VWA3A: variants seen among roughly 807,000 people sequenced by gnomAD.
VWA3A encodes the protein von Willebrand factor A domain containing 3A.
VWA3A carries 134 observed loss-of-function variants against 160.4 expected under a neutral mutation model. The observed-to-expected ratio is 0.84, with a 90% CI of 0.73 to 0.96. VWA3A has a LOEUF of 0.96. Among genes scored for constraint, VWA3A ranks in the 40% least tolerant of loss-of-function variants. The probability of loss-of-function intolerance (pLI) is 0.00; values close to 1 mark genes in which losing one functional copy is unlikely to be tolerated. For missense variants in VWA3A, 1,310 were observed against 1,447.9 expected, an observed-to-expected ratio of 0.90 and a Z score of 1.55; for synonymous variants, 476 against 543.4, an observed-to-expected ratio of 0.88 and a Z score of 1.72.
chr16:22,121,094 G>T lies in VWA3A; in HGVS notation c.1243G>T (p.Gly415Cys). Residue 415 changes from glycine to cysteine, a missense_variant, in exon 13 of 34, where the codon GGT (glycine) becomes TGT (cysteine). By Grantham distance (159) the Gly-to-Cys change is radical. Transcript: ENST00000389398. The part of the protein sequence containing the change: ...KTSAEWLKVN[G>C]LKAKKLSLYQ... The stretch of plus-strand genomic sequence containing the variant: ...TTCTGCAGAGTGGCTTAAGGTCAAT[G>T]GTCTGAAAGGTAAATCTCCAAAGAG... 6 of 1,613,856 alleles carry T rather than the reference G, an allele frequency of 3.7e-6. No homozygotes were observed. Among genetic ancestry groups the T allele is most frequent in the Non-Finnish European group, 5.1e-6 (6 of 1,179,868 alleles).
At chr16:22,094,054 A>G (rs996296474) in intron 1 of VWA3A, among the ~76,000 whole-genome samples, 34 of 151,946 alleles carry the variant, frequency 2.2e-4, no homozygotes, top group African/African-American at 7.7e-4. Context: ...GATTGCAGGC[A>G]TGAGCCATTG....
At chr16:22,126,027 C>A in intron 16 of VWA3A, 151 bp from the exon 17 acceptor site, 1 of 1,029,346 alleles carries the variant, frequency 9.7e-7, no homozygotes. Context: ...AGCCCACATC[C>A]GTTGGCCTCA....
At chr16:22,143,226 C>T (rs916958672) in intron 25 of VWA3A, among the ~76,000 whole-genome samples, 1 of 151,870 alleles carries the variant, frequency 6.6e-6, no homozygotes. Flanking sequence ...TTAAATAGAC[C>T]TAAATTCAAA....
intron 22 of VWA3A, 56 bp downstream of exon 22, chr16:22,138,568 G>T (rs2046086688): frequency 2.5e-6 from 4 of 1,605,130 alleles, no homozygotes; most frequent in Non-Finnish European, 3.4e-6. Flanking sequence ...TTGTCTTCTG[G>T]TCTTTCCTGG....
intron 1 of VWA3A, among the ~76,000 whole-genome samples, chr16:22,094,924 G>A (rs1402278865): frequency 6.7e-6 from 1 of 148,326 alleles, no homozygotes; most frequent in Non-Finnish European, 1.5e-5. Context: ...CCAAGATCAT[G>A]CCACTGCACT....
chr16:22,149,941 A>G lies in VWA3A; in HGVS notation c.3129+10A>G. 1 of 1,597,504 alleles carries G rather than the reference A, an allele frequency of 6.3e-7. No homozygotes were observed. The highest frequency in any genetic ancestry group is 8.6e-7 in the Non-Finnish European group (1 of 1,169,262). On this transcript the variant is annotated intron_variant, in intron 29 of 33. Transcript: ENST00000389398. ...CTTGCAAGCATTGCTGGCAAGTCCC[A>G]CCACGGAGCCCGACCTTGACGCAAA...
At chr16:22,097,832 A>G in intron 3 of VWA3A, 137 bp downstream of exon 3, 1 of 1,201,998 alleles carries the variant, frequency 8.3e-7, no homozygotes, top group South Asian at 1.6e-5. Flanking sequence ...ATTTATCTCT[A>G]ATCCTCTGCC....
chr16:22,112,715 C>T (rs1282186945), intron 8 of VWA3A, among the ~76,000 whole-genome samples: 1 of 151,918 alleles, frequency 6.6e-6, no homozygotes, highest in Admixed American at 6.6e-5. Context: ...AGAGAGAGAC[C>T]CTGTCTCCAA....
At chr16:22,100,349 A>G (rs1245741386) in intron 4 of VWA3A, 31 bp downstream of exon 4, 4 of 1,551,388 alleles carry the variant, frequency 2.6e-6, no homozygotes, top group African/African-American at 1.4e-5. Flanking sequence ...CGCACCCCCC[A>G]CAGCTGCAGT....
At position 22,141,645 on chromosome 16, in the gene VWA3A, C is replaced by A. The variant is rs747075031; in HGVS notation, c.2447C>A (p.Ala816Glu). 4 of 1,612,362 alleles carry A rather than the reference C, an allele frequency of 2.5e-6. No individual in the cohort carries two copies. Among genetic ancestry groups the A allele is most frequent in the East Asian group, 2.2e-5 (1 of 44,872 alleles). The change falls in exon 24 of 34, where the codon GCA becomes GAA. Residue 816 changes from alanine to glutamate, a missense_variant. Coordinates refer to ENST00000389398, the MANE Select transcript of VWA3A (RefSeq NM_173615.5). ...AGGAGGAAGACCAAGTCAAGGGAAG[C>A]AGAGACATCTCTTTTACTGTTCTAC... ...ELRRKTKSRE[A>E]ETSLLLFYTE... is the part of the protein sequence containing the mutation.
intron 17 of VWA3A, among the ~76,000 whole-genome samples, chr16:22,130,560 CT>C (rs2045929872): frequency 6.6e-6 from 1 of 152,148 alleles, no homozygotes; most frequent in African/African-American, 2.4e-5. Flanking sequence ...ATCTTAAATT[CT>C]GTCTTACAGG....
At chr16:22,132,225 A>T (rs2045961043) in intron 19 of VWA3A, among the ~76,000 whole-genome samples, 1 of 151,784 alleles carries the variant, frequency 6.6e-6, no homozygotes, top group African/African-American at 2.4e-5. Flanking sequence ...CTCTACTAAA[A>T]ATACAAAATT....
intron 1 of VWA3A, among the ~76,000 whole-genome samples, chr16:22,093,851 A>G (rs1329843137): frequency 6.6e-6 from 1 of 152,000 alleles, no homozygotes; most frequent in Non-Finnish European, 1.5e-5. Context: ...CGCAGCCTCA[A>G]ACTCCTGGGC....
At chr16:22,118,848 C>A in intron 11 of VWA3A, 54 bp from the exon 12 acceptor site, 2 of 1,607,336 alleles carry the variant, frequency 1.2e-6, no homozygotes, top group East Asian at 2.2e-5. Flanking sequence ...CCTGGGTTGA[C>A]CCCTGCAGGT....
intron 15 of VWA3A, 77 bp downstream of exon 15, chr16:22,123,242 G>A: frequency 7.3e-7 from 1 of 1,378,730 alleles, no homozygotes; most frequent in Non-Finnish European, 1.0e-6. Context: ...GGGCTATGAA[G>A]TCACCAAGCC....
chr16:22,150,800 A>C lies in VWA3A; in HGVS notation c.3235A>C (p.Lys1079Gln), dbSNP rs376871766. Reference sequence around the variant, plus strand: ...AAATGAAGTCCAAAAACTCAGGGAGAAAAGAGATGTGAAAGTGCACACCAT... The same window carrying C: ...AAATGAAGTCCAAAAACTCAGGGAGCAAAGAGATGTGAAAGTGCACACCAT... The part of the protein sequence containing the change: ...VLNEVQKLRE[K>Q]RDVKVHTISL... Residue 1079 changes from lysine (K) to glutamine (Q), a missense_variant, in exon 30 of 34, where the codon AAA becomes CAA. Lys to Gln is a moderately conservative substitution (Grantham distance 53). Coordinates refer to ENST00000389398, the MANE Select transcript of VWA3A (RefSeq NM_173615.5). 8.1e-6 allele frequency: 13 copies of C among 1,613,514 alleles called. No homozygotes were observed. In the African/African-American group the frequency reaches 1.7e-4, roughly 22 times the overall value.
In VWA3A at chr16:22,103,539, A is replaced by G; in HGVS notation, c.483+10A>G. ...AGAAAACAGCAAGAAGGTAACGGGCATAGATTTCATTCTTTGCCCCCTTTC... is the reference window on the plus strand; with the variant it reads ...AGAAAACAGCAAGAAGGTAACGGGCGTAGATTTCATTCTTTGCCCCCTTTC... On this transcript the variant is annotated intron_variant, in intron 6 of 33. Transcript: ENST00000389398. The G allele has an allele frequency of 4.5e-6, 7 of 1,551,672 alleles. No individual in the cohort carries two copies. Among genetic ancestry groups the G allele is most frequent in the Non-Finnish European group, 6.1e-6 (7 of 1,146,938 alleles).
intron 30 of VWA3A, among the ~76,000 whole-genome samples, chr16:22,151,443 T>G (rs1201683409): frequency 6.6e-6 from 1 of 152,232 alleles, no homozygotes; most frequent in African/African-American, 2.4e-5. Flanking sequence ...CACACAGTCA[T>G]TTTACAGTCT....
chr16:22,109,682 G>C lies in VWA3A; in HGVS notation c.582+102G>C, dbSNP rs141540370. On this transcript the variant is annotated intron_variant, in intron 7 of 33. Coordinates refer to ENST00000389398, the MANE Select transcript of VWA3A (RefSeq NM_173615.5). ...GCTTGTTTATAGCAAATGCAAGATA[G>C]GGTGTCTTATAAAGAACAGTTCACA... 4.7e-5 allele frequency: 45 copies of C among 955,662 alleles called. No homozygotes were observed. The East Asian group carries it at 1.1e-3, about 22-fold the overall frequency. 59.2% of individuals were successfully genotyped at this position (955,662 alleles called of 1,614,324 possible).
Sources: allele counts gnomAD v4.1 joint callset (sites outside exome capture counted in the v4.1 genomes callset), GRCh38; gene constraint gnomAD v4.1.1; transcripts MANE v1.5; gene names NCBI Gene and HGNC (gene_info 2026-07-23, HGNC 2026-07-21).